Variants in FDPS observed in about 807,000 individuals in gnomAD.
FDPS encodes the protein farnesyl pyrophosphate synthase.
In FDPS, 29 loss-of-function variants were observed where a neutral mutation model predicts 49.5. The observed-to-expected ratio is 0.59, with a 90% confidence interval of 0.44 to 0.80. FDPS has a LOEUF of 0.80. FDPS is among the 30% of genes least tolerant of loss of function. The pLI, the probability that FDPS is intolerant of heterozygous loss-of-function variation, is 0.00. For synonymous variants in FDPS, 172 were observed against 206.4 expected (o/e 0.83, Z 1.43); for missense variants, 414 against 525.6 (o/e 0.79, Z 2.08).
chr1:155,312,214 T>C (rs755888309), intron 3 of FDPS, 41 bp from the exon 4 acceptor site: 4 of 1,610,392 alleles, frequency 2.5e-6, no homozygotes, highest in Non-Finnish European at 3.4e-6. Context: ...GTAGCTGCTG[T>C]ATGGACCCTG....
At position 155,319,613 on chromosome 1, in the gene FDPS, A is replaced by G. The variant is rs1650021408; in HGVS notation, c.849A>G (p.Ala283=). ...TATTAACCCCCCTTTCCCTGCAGGC[A>G]GGAATTGATGGCGAGAAGGAGCACG... ...YLPIAAAMYM[A]GIDGEKEHAN... The change falls in exon 9 of 11, where the codon GCA becomes GCG. Residue 283 remains alanine (A), a splice_region_variant and synonymous_variant. Transcript: ENST00000368356. The G allele has an allele frequency of 1.2e-6, 2 of 1,614,000 alleles. No homozygotes were observed. The highest frequency in any genetic ancestry group is 3.3e-5 in the Admixed American group (2 of 60,010).
At position 155,309,984 on chromosome 1, in the gene FDPS, AG is replaced by A. The variant is rs752686297; in HGVS notation, c.176+23del. 1.7e-4 allele frequency: 273 copies of A among 1,609,926 alleles called. 4 individuals carry two copies. In the South Asian group the frequency reaches 2.6e-3, roughly 16 times the overall value. On this transcript the variant is annotated intron_variant, in intron 2 of 10. Transcript: ENST00000368356. ...AACCTCGGTGAGTGTGGTTGGGGTG[AG>A]GGGCCTTGGGGAGGGGAGCAGCTGA...
chr1:155,319,549 A>G, intron 8 of FDPS, 62 bp from the exon 9 acceptor site: 1 of 1,558,330 alleles, frequency 6.4e-7, no homozygotes, highest in Non-Finnish European at 8.8e-7. Context: ...CCATGGGAGG[A>G]AGCAGCCAGG....
At chr1:155,314,068 C>T (rs1242405511) in intron 4 of FDPS, among the ~76,000 whole-genome samples, 3 of 152,106 alleles carry the variant, frequency 2.0e-5, no homozygotes, top group Admixed American at 6.6e-5. Flanking sequence ...CCATCTGCCT[C>T]GCCCTCCTAA....
intron 4 of FDPS, among the ~76,000 whole-genome samples, chr1:155,314,980 C>T (rs1649168983): frequency 6.6e-6 from 1 of 152,046 alleles, no homozygotes; most frequent in Non-Finnish European, 1.5e-5. Context: ...TTCAGGGAAA[C>T]CATGCTACTC....
chr1:155,315,683 C>CA (rs1303843360), intron 4 of FDPS, among the ~76,000 whole-genome samples: 490 of 142,076 alleles, frequency 3.4e-3, no homozygotes, highest in African/African-American at 0.012. Flanking sequence ...GACTCTGTCT[C>CA]AAAAAAAAAC....
chr1:155,312,268 A>G lies in FDPS; in HGVS notation c.353A>G (p.Asn118Ser). 3.7e-6 allele frequency: 6 copies of G among 1,614,026 alleles called. No individual in the cohort carries two copies. The highest frequency in any genetic ancestry group is 5.1e-6 in the Non-Finnish European group (6 of 1,179,998). Reference sequence around the variant, plus strand: ...CTTGCCCTCCAGGTCCTGGAGTACAATGCCATTGGAGGCAAGTATAACCGG... The same window carrying G: ...CTTGCCCTCCAGGTCCTGGAGTACAGTGCCATTGGAGGCAAGTATAACCGG... The part of the protein sequence containing the change: ...IARLKEVLEY[N>S]AIGGKYNRGL... The change falls in exon 4 of 11, where the codon AAT (asparagine) becomes AGT (serine). Residue 118 changes from asparagine to serine, a missense_variant. Asn to Ser is a conservative substitution (Grantham distance 46, BLOSUM62 1). Coordinates refer to ENST00000368356, the MANE Select transcript of FDPS (RefSeq NM_002004.4).
chr1:155,320,440 T>C lies in FDPS; in HGVS notation c.1091T>C (p.Val364Ala), dbSNP rs41314549. The C allele has an allele frequency of 0.023, 37,621 of 1,613,526 alleles. 535 individuals carry two copies. Among genetic ancestry groups the C allele is most frequent in the Non-Finnish European group, 0.028 (32,668 of 1,179,926 alleles). Residue 364 changes from valine (V) to alanine (A), a missense_variant, in exon 11 of 11, where the codon GTG becomes GCG. Val to Ala is a moderately conservative substitution (Grantham distance 64). Transcript: ENST00000368356. ...ENYGQKEAEK[V>A]ARVKALYEEL... Reference sequence around the variant, plus strand: ...TACGGGCAGAAGGAGGCTGAGAAAGTGGCCCGGGTGAAGGCGCTATATGAG... The same window carrying C: ...TACGGGCAGAAGGAGGCTGAGAAAGCGGCCCGGGTGAAGGCGCTATATGAG...
At position 155,320,365 on chromosome 1, in the gene FDPS, T is replaced by TG. The variant is rs1650203985; in HGVS notation, c.1060-40dup. 5 of 1,555,686 alleles carry TG rather than the reference T, an allele frequency of 3.2e-6. No individual in the cohort carries two copies. In the East Asian group the frequency reaches 1.1e-4, roughly 36 times the overall value. On this transcript the variant is annotated intron_variant, in intron 10 of 10. Transcript: ENST00000368356. The stretch of plus-strand genomic sequence containing the variant: ...GGGAGTGGAGGGGTCCTGGAGGCTC[T>TG]GGGGAAGGCCAAGCCCGTTTTCCTG...
Position 155,310,071 on chromosome 1 carries a change from G to C in FDPS, c.205G>C (p.Gly69Arg), listed in dbSNP as rs775764683. 6.2e-7 allele frequency: 1 copy of C among 1,613,838 alleles called. No individual in the cohort carries two copies. Among genetic ancestry groups the C allele is most frequent in the South Asian group, 1.1e-5 (1 of 91,060 alleles). Residue 69 changes from glycine (G) to arginine (R), a missense_variant, in exon 3 of 11, where the codon GGA (glycine) becomes CGA (arginine). By Grantham distance (125) the Gly-to-Arg change is moderately radical (BLOSUM62 -2). Transcript: ENST00000368356. ...RALCSSLRMN[G>R]DQNSDVYAQE... Reference sequence around the variant, plus strand: ...CCTTTGCTCCTCCCTCAGAATGAACGGAGACCAGAATTCAGATGTTTATGC... The same window carrying C: ...CCTTTGCTCCTCCCTCAGAATGAACCGAGACCAGAATTCAGATGTTTATGC...
chr1:155,310,598 A>G, intron 3 of FDPS: 1 of 187,794 alleles, frequency 5.3e-6, no homozygotes, highest in Non-Finnish European at 1.1e-5. Context: ...GGTGTGAGCC[A>G]CCGCGCCTGG....
chr1:155,311,267 A>G (rs1648772616), intron 3 of FDPS, among the ~76,000 whole-genome samples: 1 of 152,200 alleles, frequency 6.6e-6, no homozygotes, highest in Non-Finnish European at 1.5e-5. Flanking sequence ...TGAACCTGGG[A>G]GGCGGAGGTT....
rs986956274 is a variant in FDPS, at chr1:155,318,465, T to C, written c.684+174T>C. On this transcript the variant is annotated intron_variant, in intron 6 of 10. Transcript: ENST00000368356. The surrounding 1 kb of genome is among the most constrained non-coding windows in gnomAD (Gnocchi z 4.2). ...TGTGGTAGTGGCAAGAAAGGGCTTC[T>C]CTGTCCTGTGTAATTGGAAGAAAGG... 3.4e-6 allele frequency: 3 copies of C among 874,520 alleles called. No individual in the cohort carries two copies. Among genetic ancestry groups the C allele is most frequent in the African/African-American group, 3.4e-5 (2 of 59,250 alleles). 54.2% of individuals were successfully genotyped at this position (874,520 alleles called of 1,614,324 possible).
intron 4 of FDPS, chr1:155,316,919 C>T (rs1353189639): frequency 6.6e-6 from 1 of 152,188 alleles, no homozygotes; most frequent in Non-Finnish European, 1.5e-5. Flanking sequence ...GAAACTCTCA[C>T]TCCAGGCCTA....
intron 3 of FDPS, among the ~76,000 whole-genome samples, chr1:155,311,953 C>A (rs1457869918): frequency 1.3e-5 from 2 of 151,872 alleles, no homozygotes; most frequent in Non-Finnish European, 2.9e-5. Flanking sequence ...GCCTGGGTAA[C>A]AGAGAGAGAA....
rs1649819595 is a variant in FDPS at position 155,318,815 on chromosome 1, G to C, written c.774-41G>C. 1 of 1,564,896 alleles carries C rather than the reference G, an allele frequency of 6.4e-7. No individual in the cohort carries two copies. Among genetic ancestry groups the C allele is most frequent in the Admixed American group, 1.7e-5 (1 of 59,924 alleles). On this transcript the variant is annotated intron_variant, in intron 7 of 10. Transcript: ENST00000368356. This position sits in a 1 kb window ranked among gnomAD's most constrained non-coding sequence, Gnocchi z 4.2. ...GACAGCGAGGGAGGGCTCAGGATGT[G>C]CATTGCCCTCCTGAGGAGTTTCTCT...
At chr1:155,319,529 G>A (rs1649989206) in intron 8 of FDPS, 82 bp from the exon 9 acceptor site, 1 of 1,433,550 alleles carries the variant, frequency 7.0e-7, no homozygotes, top group Non-Finnish European at 9.8e-7. Flanking sequence ...GGCTGCAGTA[G>A]GGCAAGACCC....
At position 155,310,162 on chromosome 1, in the gene FDPS, TG is replaced by T; in HGVS notation, c.300del (p.His101ThrfsTer4). 6.2e-7 allele frequency: 1 copy of T among 1,613,880 alleles called. No homozygotes were observed. Among genetic ancestry groups the T allele is most frequent in the East Asian group, 2.2e-5 (1 of 44,876 alleles). ...GTTAGGGTGCTGACTGAGGATGAGATGGGGCACCCAGAGATAGGAGATGCTA... is the reference window on the plus strand; with the variant it reads ...GTTAGGGTGCTGACTGAGGATGAGATGGGCACCCAGAGATAGGAGATGCTA... ...QIVRVLTEDE[M>X]GHPEIGDAIA... On this transcript the variant is annotated frameshift_variant, in exon 3 of 11. Coordinates refer to ENST00000368356, the MANE Select transcript of FDPS (RefSeq NM_002004.4). LOFTEE classifies it high-confidence loss of function.
At chr1:155,315,799 G>A (rs1649303732) in intron 4 of FDPS, among the ~76,000 whole-genome samples, 1 of 151,680 alleles carries the variant, frequency 6.6e-6, no homozygotes, top group Admixed American at 6.6e-5. Flanking sequence ...CCCGGGAGGC[G>A]GAGGTTGCAG....
Sources: allele counts gnomAD v4.1 joint callset (sites outside exome capture counted in the v4.1 genomes callset), GRCh38; gene constraint gnomAD v4.1.1; non-coding constraint Gnocchi (gnomAD v3.1); transcripts MANE v1.5; gene names NCBI Gene and HGNC (gene_info 2026-07-23, HGNC 2026-07-21).